The following BAZ1A variants were observed in gnomAD, a reference collection of about 807,000 sequenced individuals.
The protein encoded by BAZ1A is bromodomain adjacent to zinc finger domain protein 1A.
Under a neutral mutation model 185.2 loss-of-function variants are expected in BAZ1A, and 50 were observed. The observed-to-expected ratio is 0.27, with a 90% CI of 0.22 to 0.34. The LOEUF is 0.34. BAZ1A is among the 10% of genes least tolerant of loss of function. The probability of loss-of-function intolerance (pLI) is 1.00; values close to 1 mark genes in which losing one functional copy is unlikely to be tolerated. For synonymous variants in BAZ1A, 571 were observed against 615.6 expected, an observed-to-expected ratio of 0.93 and a Z score of 1.07; for missense variants, 1,356 against 1,839.9, an observed-to-expected ratio of 0.74 and a Z score of 4.81.
intron 4 of BAZ1A, among the ~76,000 whole-genome samples, chr14:34,820,287 G>A (rs1032065490): frequency 6.6e-6 from 1 of 151,852 alleles, no homozygotes; most frequent in Admixed American, 6.6e-5. Flanking sequence ...CACAATACCC[G>A]GCTGATTTTT....
At chr14:34,847,459 G>C (rs2042532880) in intron 3 of BAZ1A, among the ~76,000 whole-genome samples, 1 of 152,004 alleles carries the variant, frequency 6.6e-6, no homozygotes, top group African/African-American at 2.4e-5. Context: ...TTAATGTGTT[G>C]CTAAAAATCT....
intron 3 of BAZ1A, among the ~76,000 whole-genome samples, chr14:34,853,482 G>C (rs972757649): frequency 6.6e-6 from 1 of 152,104 alleles, no homozygotes; most frequent in Non-Finnish European, 1.5e-5. Flanking sequence ...TACTTGTAAA[G>C]ATGCAAAAAA....
In BAZ1A at chr14:34,874,239, T is replaced by C. The variant is rs1594926378; in HGVS notation, c.113+253A>G. The stretch of plus-strand genomic sequence containing the variant: ...GGGCGACAGCAGCGGCTAGGAGCGG[T>C]CCCCGAGGCCGGCCAGGGACCCAGC... On this transcript the variant is annotated intron_variant, in intron 2 of 26. Transcript: ENST00000360310. This position sits in a 1 kb window ranked among gnomAD's most constrained non-coding sequence, Gnocchi z 4.7. The C allele has an allele frequency of 7.3e-6, 3 of 410,354 alleles. No individual in the cohort carries two copies. Among genetic ancestry groups the C allele is most frequent in the Non-Finnish European group, 1.3e-5 (3 of 228,564 alleles). The allele number at this position is 410,354 out of a possible 1,614,324, so 25.4% of individuals were successfully genotyped here.
chr14:34,859,730 A>G (rs2042738671), intron 3 of BAZ1A, among the ~76,000 whole-genome samples: 1 of 151,792 alleles, frequency 6.6e-6, no homozygotes, highest in Non-Finnish European at 1.5e-5. Flanking sequence ...CTTACTTACT[A>G]CTCCCTTGTC....
chr14:34,848,600 AAAT>A (rs1384828497), intron 3 of BAZ1A, among the ~76,000 whole-genome samples: 1 of 152,206 alleles, frequency 6.6e-6, no homozygotes, highest in Non-Finnish European at 1.5e-5. Flanking sequence ...CTGTCTCAAA[AAAT>A]AATAATTATA....
chr14:34,758,519 G>GC (rs766594904), intron 25 of BAZ1A, 185 bp downstream of exon 25: 101 of 502,398 alleles, frequency 2.0e-4, no homozygotes, highest in Non-Finnish European at 3.4e-5. Context: ...GGCAGAGCTT[G>GC]CAGTGAGCCG....
chr14:34,843,106 ACT>A (rs1247120775), intron 3 of BAZ1A, among the ~76,000 whole-genome samples: 1 of 148,924 alleles, frequency 6.7e-6, no homozygotes, highest in African/African-American at 2.4e-5. Flanking sequence ...ATGTAAGAAA[ACT>A]AGGGACTGGC....
At position 34,800,115 on chromosome 14, in the gene BAZ1A, TA is replaced by T. The variant is rs1881426489; in HGVS notation, c.1128+108del. The T allele has an allele frequency of 3.6e-6, 4 of 1,099,284 alleles. No homozygotes were observed. In the Admixed American group the frequency reaches 1.3e-4, roughly 35 times the overall value. 68.1% of individuals were successfully genotyped at this position (1,099,284 alleles called of 1,614,324 possible). Reference sequence around the variant, plus strand: ...CCAATCAACTTTCTATGCACATTCATAAATGTGAATGAAAGTAGTAAAAGCA... The same window carrying T: ...CCAATCAACTTTCTATGCACATTCATAATGTGAATGAAAGTAGTAAAAGCA... On this transcript the variant is annotated intron_variant, in intron 9 of 26. Coordinates refer to ENST00000360310, the MANE Select transcript of BAZ1A (RefSeq NM_013448.3).
chr14:34,806,039 T>C (rs1488673586), intron 6 of BAZ1A, among the ~76,000 whole-genome samples: 1 of 152,138 alleles, frequency 6.6e-6, no homozygotes, highest in Non-Finnish European at 1.5e-5. Flanking sequence ...AAGTACCTCA[T>C]CATGTTTAAC....
At chr14:34,768,853 TTAAAAA>T (rs1879028381) in intron 21 of BAZ1A, 2 of 284,016 alleles carry the variant, frequency 7.0e-6, no homozygotes, top group Non-Finnish European at 1.4e-5. Context: ...AAGTATGACT[TTAAAAA>T]TAACAGAATT....
rs77674189 is a variant in BAZ1A, at chr14:34,867,493, C to T, written c.114-5171G>A. Among the ~76,000 whole-genome samples the T allele has an allele frequency of 6.2e-3, 937 of 152,260 alleles. 17 individuals are homozygous for T. The highest frequency in any genetic ancestry group is 0.022 in the African/African-American group (905 of 41,556). On this transcript the variant is annotated intron_variant, in intron 2 of 26. Coordinates refer to ENST00000360310, the MANE Select transcript of BAZ1A (RefSeq NM_013448.3). The stretch of plus-strand genomic sequence containing the variant: ...TAAACGCAGTGAAGTGCAACAAACA[C>T]GATTTAGACTTAACACTGCCTAAAA...
chr14:34,807,521 A>G lies in BAZ1A; in HGVS notation c.656T>C (p.Phe219Ser). The change falls in exon 6 of 27, where the codon TTT becomes TCT. Residue 219 changes from phenylalanine (F) to serine (S), a missense_variant. This residue lies in a region of BAZ1A where 332 missense variants were observed against 395.3 expected (regional missense o/e 0.84). Transcript: ENST00000360310. The stretch of plus-strand genomic sequence containing the variant: ...AAAAAGCTTTAGTTTATCACGAGAA[A>G]ATAGGTGTTTTCTCCGGCTACAGGA... ...ATQISRRKHL[F>S]SRDKLKLFLK... The G allele has an allele frequency of 6.2e-7, 1 of 1,613,014 alleles. No homozygotes were observed. Among genetic ancestry groups the G allele is most frequent in the Non-Finnish European group, 8.5e-7 (1 of 1,179,304 alleles).
intron 25 of BAZ1A, among the ~76,000 whole-genome samples, chr14:34,756,241 G>C (rs149600715): frequency 0.028 from 4,203 of 151,334 alleles, 201 homozygotes; most frequent in African/African-American, 0.097. Context: ...AGCCTCCAGA[G>C]TAGCTGGGAC....
intron 2 of BAZ1A, among the ~76,000 whole-genome samples, chr14:34,868,638 T>G (rs948422900): frequency 9.2e-5 from 14 of 151,796 alleles, no homozygotes; most frequent in African/African-American, 3.4e-4. Flanking sequence ...CCGTCTCTAG[T>G]AAAAATTCAA....
chr14:34,764,696 T>G lies in BAZ1A; in HGVS notation c.3776+11A>C. On this transcript the variant is annotated intron_variant, in intron 23 of 26. Transcript: ENST00000360310. Reference sequence around the variant, plus strand: ...ACTTACTGACTCATTTTATTGCATGTTAGGACTTACCTGACTTCTTCCTCT... The same window carrying G: ...ACTTACTGACTCATTTTATTGCATGGTAGGACTTACCTGACTTCTTCCTCT... The G allele has an allele frequency of 6.3e-7, 1 of 1,588,762 alleles. No individual in the cohort carries two copies. Among genetic ancestry groups the G allele is most frequent in the Non-Finnish European group, 8.6e-7 (1 of 1,166,366 alleles).
At chr14:34,754,447 A>G (rs2138516596) in intron 26 of BAZ1A, among the ~76,000 whole-genome samples, 1 of 145,608 alleles carries the variant, frequency 6.9e-6, no homozygotes, top group East Asian at 2.0e-4. Context: ...AAAGAAAAAG[A>G]AGAAAGAAAA....
chr14:34,777,460 A>G (rs549448450), intron 17 of BAZ1A, among the ~76,000 whole-genome samples: 47 of 152,056 alleles, frequency 3.1e-4, no homozygotes, highest in Non-Finnish European at 5.7e-4. Flanking sequence ...CCTGGCCAAC[A>G]TGGTGAAATC....
chr14:34,844,493 T>C (rs1482560416), intron 3 of BAZ1A, among the ~76,000 whole-genome samples: 1 of 151,678 alleles, frequency 6.6e-6, no homozygotes, highest in African/African-American at 2.4e-5. Flanking sequence ...AATTCCAAAA[T>C]TGGCTGGACG....
Position 34,795,868 on chromosome 14 carries a change from C to G in BAZ1A, c.1129-103G>C, listed in dbSNP as rs1470383343. The G allele has an allele frequency of 3.9e-6, 3 of 770,582 alleles. No individual in the cohort carries two copies. In the African/African-American group the frequency reaches 5.3e-5, roughly 14 times the overall value. The allele number at this position is 770,582 out of a possible 1,614,324, so 47.7% of individuals were successfully genotyped here. ...AGAAATGCAAATACTTGGACCTTAC[C>G]CCATACCTACTGAAGCAGTAACTCT... On this transcript the variant is annotated intron_variant, in intron 9 of 26. Coordinates refer to ENST00000360310, the MANE Select transcript of BAZ1A (RefSeq NM_013448.3).
Sources: allele counts gnomAD v4.1 joint callset (sites outside exome capture counted in the v4.1 genomes callset), GRCh38; gene constraint gnomAD v4.1.1; regional missense constraint gnomAD v4.1.1; non-coding constraint Gnocchi (gnomAD v3.1); transcripts MANE v1.5; gene names NCBI Gene and HGNC (gene_info 2026-07-23, HGNC 2026-07-21).